FAAH2: variants seen among roughly 807,000 people sequenced by gnomAD.
The protein encoded by FAAH2 is fatty acid amide hydrolase 2.
A neutral mutation model predicts 36.9 loss-of-function variants in FAAH2; 60 were observed. The observed-to-expected ratio is 1.63, with a 90% CI of 1.32 to 2.02. The LOEUF (loss-of-function observed/expected upper bound fraction) is 2.02, where lower values mean the gene tolerates loss of function less well. FAAH2 is among the 30% of genes most tolerant of loss of function. FAAH2 has a pLI of 0.00. For synonymous variants in FAAH2, 214 were observed against 143.8 expected (o/e 1.49, Z -3.49); for missense variants, 689 against 397.5 (o/e 1.73, Z -6.23).
At chrX:57,388,580 T>C (rs1046043360) in intron 7 of FAAH2, among the ~76,000 whole-genome samples, 1 of 111,353 alleles carries the variant, frequency 9.0e-6, no homozygotes, top group African/African-American at 3.3e-5. Context: ...AGGGTACATG[T>C]TTCATGACTG....
At chrX:57,322,612 CTCT>C (rs2146954121) in intron 3 of FAAH2, among the ~76,000 whole-genome samples, 1 of 111,209 alleles carries the variant, frequency 9.0e-6, no homozygotes, top group African/African-American at 3.3e-5. Context: ...TGCCTTCTTT[CTCT>C]TTTTCTTTTC....
chrX:57,404,300 A>G (rs1345150622), intron 7 of FAAH2, among the ~76,000 whole-genome samples: 1 of 112,174 alleles, frequency 8.9e-6, no homozygotes, highest in Non-Finnish European at 1.9e-5. Flanking sequence ...TACTACTTCT[A>G]TCTTTCTCTT....
At chrX:57,222,716 C>A in the FAAH2 span, among the ~76,000 whole-genome samples, 1 of 112,057 alleles carries the variant, frequency 8.9e-6, no homozygotes, top group African/African-American at 3.3e-5. Flanking sequence ...CAGCTCCCGT[C>A]TAAACACAGC....
chrX:57,248,912 A>G, the FAAH2 span, among the ~76,000 whole-genome samples: 4 of 106,607 alleles, frequency 3.8e-5, no homozygotes, highest in South Asian at 1.7e-3. Context: ...TTCCAAGAAG[A>G]AGTTTAGATA....
intron 7 of FAAH2, among the ~76,000 whole-genome samples, chrX:57,418,269 C>T (rs6612804): frequency 0.043 from 4,764 of 111,287 alleles, 264 homozygotes; most frequent in African/African-American, 0.15. Flanking sequence ...CAGGCGCCAC[C>T]GGGCTTTGAG....
intron 5 of FAAH2, among the ~76,000 whole-genome samples, chrX:57,353,829 C>T (rs1013694289): frequency 1.5e-4 from 17 of 110,638 alleles, no homozygotes; most frequent in Non-Finnish European, 1.9e-4. Flanking sequence ...ATACAAATGG[C>T]CAATATGTAT....
chrX:57,438,951 A>G, intron 8 of FAAH2, among the ~76,000 whole-genome samples: 1 of 110,651 alleles, frequency 9.0e-6, no homozygotes, highest in Non-Finnish European at 1.9e-5. Flanking sequence ...TTATGGCTGC[A>G]TAGTATTCCA....
At chrX:57,241,712 T>C in the FAAH2 span, among the ~76,000 whole-genome samples, 3 of 111,802 alleles carry the variant, frequency 2.7e-5, no homozygotes, top group African/African-American at 9.8e-5. Context: ...TTTCCCCTTG[T>C]GTCCACAAAG....
chrX:57,393,850 T>C, intron 7 of FAAH2: 3 of 947,339 alleles, frequency 3.2e-6, no homozygotes, highest in Non-Finnish European at 4.6e-6. Flanking sequence ...TATTCAACAC[T>C]CTTTGCCAAG....
At chrX:57,151,334 T>G in the FAAH2 span, among the ~76,000 whole-genome samples, 1 of 112,321 alleles carries the variant, frequency 8.9e-6, no homozygotes. Flanking sequence ...GAAGTTCTCC[T>G]GGATAATATC....
intron 7 of FAAH2, among the ~76,000 whole-genome samples, chrX:57,423,197 G>A (rs960154389): frequency 8.9e-6 from 1 of 112,086 alleles, no homozygotes; most frequent in Non-Finnish European, 1.9e-5. Context: ...CTAACTCATA[G>A]AGAACTGCAC....
chrX:57,175,644 G>A, the FAAH2 span, among the ~76,000 whole-genome samples: 1 of 110,890 alleles, frequency 9.0e-6, no homozygotes, highest in East Asian at 2.8e-4. Context: ...TTTCTTTATT[G>A]TGTTATTGTT....
chrX:57,450,329 T>TC (rs2056761329), intron 10 of FAAH2, among the ~76,000 whole-genome samples: 1 of 110,070 alleles, frequency 9.1e-6, no homozygotes, highest in African/African-American at 3.3e-5. Context: ...CATTTATGTT[T>TC]CCCCCAAATC....
At chrX:57,419,984 C>T (rs1330455339) in intron 7 of FAAH2, among the ~76,000 whole-genome samples, 2 of 111,474 alleles carry the variant, frequency 1.8e-5, no homozygotes, top group African/African-American at 6.5e-5. Context: ...GAATCCTTTC[C>T]CCATTTCTGG....
the FAAH2 span, among the ~76,000 whole-genome samples, chrX:57,194,126 A>C: frequency 8.9e-6 from 1 of 111,795 alleles, no homozygotes; most frequent in Middle Eastern, 4.6e-3. Flanking sequence ...AATGTTTGAT[A>C]GAATTCAGCA....
intron 7 of FAAH2, among the ~76,000 whole-genome samples, chrX:57,409,056 G>T (rs890413969): frequency 9.0e-6 from 1 of 111,317 alleles, no homozygotes; most frequent in African/African-American, 3.3e-5. Flanking sequence ...AACATATACA[G>T]CATGTTACTG....
At chrX:57,166,391 GAA>G in the FAAH2 span, among the ~76,000 whole-genome samples, 1 of 111,835 alleles carries the variant, frequency 8.9e-6, no homozygotes, top group Non-Finnish European at 1.9e-5. Context: ...CAGAAAAACT[GAA>G]AGAGTCCACT....
At chrX:57,468,441 G>T (rs975680464) in intron 10 of FAAH2, among the ~76,000 whole-genome samples, 2 of 112,171 alleles carry the variant, frequency 1.8e-5, no homozygotes, top group African/African-American at 6.5e-5. Flanking sequence ...TGAGAATGAC[G>T]TGATGAATGC....
At chrX:57,359,310 A>G (rs2054233030) in intron 5 of FAAH2, among the ~76,000 whole-genome samples, 1 of 111,052 alleles carries the variant, frequency 9.0e-6, no homozygotes. Flanking sequence ...GCTGCATCCC[A>G]TATGTTTAGG....
Sources: allele counts gnomAD v4.1 joint callset (sites outside exome capture counted in the v4.1 genomes callset), GRCh38; gene constraint gnomAD v4.1.1; transcripts MANE v1.5; gene names NCBI Gene and HGNC (gene_info 2026-07-23, HGNC 2026-07-21).